ZZZ3: variants seen among roughly 807,000 people sequenced by gnomAD.
ZZZ3 encodes the protein zinc finger ZZ-type containing 3, also known as ZZ-type zinc finger-containing protein 3.
ZZZ3 carries 22 observed loss-of-function variants against 95.2 expected under a neutral mutation model. The observed-to-expected ratio is 0.23, with a 90% CI of 0.17 to 0.33. The LOEUF (loss-of-function observed/expected upper bound fraction) is 0.33. Ranked by LOEUF, ZZZ3 falls within the 10% of genes least tolerant of loss-of-function variation. The pLI is 1.00. For synonymous variants in ZZZ3, 335 were observed against 358.9 expected, an observed-to-expected ratio of 0.93 and a Z score of 0.75; for missense variants, 885 against 1,066.5, an observed-to-expected ratio of 0.83 and a Z score of 2.37.
chr1:77,613,639 G>C (rs1038552481), intron 5 of ZZZ3, among the ~76,000 whole-genome samples: 23 of 151,886 alleles, frequency 1.5e-4, no homozygotes, highest in Non-Finnish European at 1.0e-4. Flanking sequence ...TTTAAAGGAG[G>C]AAATAAATTA....
chr1:77,567,797 A>AG (rs1227000715), intron 13 of ZZZ3, among the ~76,000 whole-genome samples: 12 of 152,196 alleles, frequency 7.9e-5, no homozygotes, highest in African/African-American at 2.7e-4. Context: ...TCAATCAGAA[A>AG]GGGAAAAAAA....
intron 4 of ZZZ3, among the ~76,000 whole-genome samples, chr1:77,633,893 C>T (rs942931473): frequency 1.3e-5 from 2 of 152,090 alleles, no homozygotes; most frequent in Non-Finnish European, 2.9e-5. Context: ...AATCTTCGGC[C>T]GGGCGCAGTG....
chr1:77,568,535 G>A (rs1249327635), intron 12 of ZZZ3, 69 bp from the exon 13 acceptor site: 1 of 768,036 alleles, frequency 1.3e-6, no homozygotes, highest in East Asian at 3.3e-5. Flanking sequence ...AAGTAATACT[G>A]ATACAGAATA....
At chr1:77,569,205 C>CA (rs1203977560) in intron 12 of ZZZ3, among the ~76,000 whole-genome samples, 1 of 152,164 alleles carries the variant, frequency 6.6e-6, no homozygotes, top group Non-Finnish European at 1.5e-5. Context: ...GGCATGGTGG[C>CA]ACGCACCTGT....
intron 5 of ZZZ3, among the ~76,000 whole-genome samples, chr1:77,587,563 C>A (rs897400747): frequency 2.5e-4 from 38 of 152,328 alleles, no homozygotes; most frequent in Admixed American, 2.2e-3. Context: ...CGCGCCCAGC[C>A]CTTTGACCCA....
Position 77,639,612 on chromosome 1 carries a change from A to T in ZZZ3, c.-205-10T>A, listed in dbSNP as rs1422871559. 1 of 470,408 alleles carries T rather than the reference A, an allele frequency of 2.1e-6. No homozygotes were observed. Among genetic ancestry groups the T allele is most frequent in the Non-Finnish European group, 3.6e-6 (1 of 279,558 alleles). The allele number at this position is 470,408 out of a possible 1,614,324, so 29.1% of individuals were successfully genotyped here. ...AACCTCCTAAATTTTTCTTTAAAAT[A>T]AAATAATGAAAAAAAAGGATTAAAG... On this transcript the variant is annotated splice_polypyrimidine_tract_variant and intron_variant, in intron 3 of 14. Coordinates refer to ENST00000370801, the MANE Select transcript of ZZZ3 (RefSeq NM_015534.6).
intron 1 of ZZZ3, among the ~76,000 whole-genome samples, chr1:77,675,458 C>T (rs1372633987): frequency 6.6e-6 from 1 of 152,064 alleles, no homozygotes; most frequent in Non-Finnish European, 1.5e-5. Context: ...ATGTGGCAGC[C>T]GAATTCCAGT....
At chr1:77,636,572 A>G (rs1668316493) in intron 4 of ZZZ3, among the ~76,000 whole-genome samples, 1 of 151,818 alleles carries the variant, frequency 6.6e-6, no homozygotes, top group Non-Finnish European at 1.5e-5. Context: ...AAATTTATCC[A>G]GGTGTAGTGA....
At chr1:77,603,078 T>C (rs1664894748) in intron 5 of ZZZ3, among the ~76,000 whole-genome samples, 1 of 151,758 alleles carries the variant, frequency 6.6e-6, no homozygotes, top group Non-Finnish European at 1.5e-5. Flanking sequence ...TTTAAGAACC[T>C]GTCAACTTTT....
intron 5 of ZZZ3, among the ~76,000 whole-genome samples, chr1:77,616,631 G>A (rs1328954019): frequency 6.6e-6 from 1 of 152,192 alleles, no homozygotes; most frequent in African/African-American, 2.4e-5. Context: ...TTGGGAGGTC[G>A]AGGTGGGTGG....
Position 77,632,653 on chromosome 1 carries a change from T to A in ZZZ3, c.702A>T (p.Leu234Phe), listed in dbSNP as rs1474299377. The A allele has an allele frequency of 6.2e-7, 1 of 1,614,074 alleles. No individual in the cohort carries two copies. Among genetic ancestry groups the A allele is most frequent in the Non-Finnish European group, 8.5e-7 (1 of 1,180,036 alleles). Residue 234 changes from leucine to phenylalanine, a missense_variant, in exon 5 of 15, where the codon TTA becomes TTT. By Grantham distance (22) the Leu-to-Phe change is conservative. Around this residue, in one of 5 missense-constraint regions of ZZZ3, gnomAD observed 556 missense variants for 652.9 expected, o/e 0.85. Transcript: ENST00000370801. ...TKQNSIGSYVLQEKSVAENGD... is the reference protein window; with the variant it reads ...TKQNSIGSYVFQEKSVAENGD... ...CATTTTCAGCTACTGATTTTTCCTG[T>A]AACACATAGGAACCAATGCTATTTT...
At chr1:77,576,752 C>A (rs4949815) in intron 11 of ZZZ3, among the ~76,000 whole-genome samples, 147,903 of 151,394 alleles carry the variant, frequency 0.98, 72,322 homozygotes, top group East Asian at 1. Flanking sequence ...AAAATACACT[C>A]ACACTAAAAA....
At chr1:77,617,610 A>T (rs1367816747) in intron 5 of ZZZ3, among the ~76,000 whole-genome samples, 1 of 151,986 alleles carries the variant, frequency 6.6e-6, no homozygotes, top group East Asian at 1.9e-4. Flanking sequence ...ATGTTTAAAC[A>T]CCTATCTTTC....
At position 77,641,396 on chromosome 1, in the gene ZZZ3, T is replaced by C; in HGVS notation, c.-218A>G. ...AACTGATACTTACAGCTGAGCTCTA[T>C]CAGCATTAAGATAGACAGGATCCTG... On this transcript the variant is annotated 5_prime_UTR_variant, in exon 3 of 15. Coordinates refer to ENST00000370801, the MANE Select transcript of ZZZ3 (RefSeq NM_015534.6). 1 of 393,634 alleles carries C rather than the reference T, an allele frequency of 2.5e-6. No individual in the cohort carries two copies. The highest frequency in any genetic ancestry group is 4.5e-6 in the Non-Finnish European group (1 of 223,278). 24.4% of individuals were successfully genotyped at this position (393,634 alleles called of 1,614,324 possible).
chr1:77,598,060 G>A (rs1046501917), intron 5 of ZZZ3, among the ~76,000 whole-genome samples: 5 of 151,810 alleles, frequency 3.3e-5, no homozygotes, highest in South Asian at 2.1e-4. Context: ...AAATACAGTC[G>A]ACCCTTGAGC....
At chr1:77,681,492 G>A (rs1672748642) in intron 1 of ZZZ3, among the ~76,000 whole-genome samples, 1 of 152,132 alleles carries the variant, frequency 6.6e-6, no homozygotes, top group South Asian at 2.1e-4. Context: ...AGACATTAGG[G>A]AATTGGAGAG....
upstream of ZZZ3, among the ~76,000 whole-genome samples, chr1:77,683,091 C>CGCCGTCGCA (rs71075755): frequency 3.9e-5 from 5 of 129,698 alleles, no homozygotes; most frequent in East Asian, 2.5e-4. Context: ...GTGGGGGCTT[C>CGCCGTCGCA]GCCGTCGCAG....
intron 4 of ZZZ3, among the ~76,000 whole-genome samples, chr1:77,633,722 A>G (rs1194808495): frequency 6.6e-6 from 1 of 152,236 alleles, no homozygotes; most frequent in Non-Finnish European, 1.5e-5. Flanking sequence ...ATGAGATTAA[A>G]GCACACTCTG....
chr1:77,659,149 C>T (rs1459587629), intron 1 of ZZZ3, among the ~76,000 whole-genome samples: 2 of 151,522 alleles, frequency 1.3e-5, no homozygotes, highest in South Asian at 2.1e-4. Context: ...ACCTGGGAGG[C>T]GGAGGTTGCG....
Sources: allele counts gnomAD v4.1 joint callset (sites outside exome capture counted in the v4.1 genomes callset), GRCh38; gene constraint gnomAD v4.1.1; regional missense constraint gnomAD v4.1.1; transcripts MANE v1.5; gene names NCBI Gene and HGNC (gene_info 2026-07-23, HGNC 2026-07-21).